CSTF3: variants seen among roughly 807,000 people sequenced by gnomAD.
The protein encoded by CSTF3 is cleavage stimulation factor subunit 3, also known as CF-1 77 kDa subunit.
A neutral mutation model predicts 105.8 loss-of-function variants in CSTF3; 29 were observed. The ratio of observed to expected loss-of-function variants is 0.27; its 90% confidence interval spans 0.20 to 0.37. The LOEUF (loss-of-function observed/expected upper bound fraction) is 0.37. Among genes scored for constraint, CSTF3 ranks in the 10% least tolerant of loss-of-function variants. The pLI is 1.00. For missense variants in CSTF3, 357 were observed against 879.3 expected (o/e 0.41, Z 7.51); for synonymous variants, 252 against 281.9 (o/e 0.89, Z 1.06).
intron 5 of CSTF3, 53 bp downstream of exon 5, chr11:33,107,850 T>G: frequency 9.5e-7 from 1 of 1,053,772 alleles, no homozygotes; most frequent in Non-Finnish European, 1.5e-6. Flanking sequence ...TTATGTGGGA[T>G]TAACTGTGTG....
intron 3 of CSTF3, among the ~76,000 whole-genome samples, chr11:33,118,642 T>A (rs1480739258): frequency 6.6e-6 from 1 of 151,792 alleles, no homozygotes; most frequent in Non-Finnish European, 1.5e-5. Flanking sequence ...GTGGCATAGA[T>A]CTTTCTAAAG....
intron 3 of CSTF3, among the ~76,000 whole-genome samples, chr11:33,135,286 T>A (rs1855642044): frequency 6.6e-6 from 1 of 152,158 alleles, no homozygotes; most frequent in South Asian, 2.1e-4. Context: ...GCTTCAAAGA[T>A]CACTCGATTA....
chr11:33,085,376 C>A, intron 20 of CSTF3, 87 bp from the exon 21 acceptor site: 1 of 661,634 alleles, frequency 1.5e-6, no homozygotes, highest in Non-Finnish European at 2.3e-6. Context: ...ATTTCATAGC[C>A]TACTATTTTA....
chr11:33,096,484 T>G, intron 14 of CSTF3, 76 bp from the exon 15 acceptor site: 2 of 879,954 alleles, frequency 2.3e-6, no homozygotes, highest in Non-Finnish European at 3.6e-6. Context: ...ATTAAAATTA[T>G]ACCTACATAT....
Position 33,099,026 on chromosome 11 carries a change from T to G in CSTF3, c.1053+8A>C. ...AATTATAAGAAGGCTCTAAACATTTTTACTTACCTCTTCATAATCTGCATA... is the reference window on the plus strand; with the variant it reads ...AATTATAAGAAGGCTCTAAACATTTGTACTTACCTCTTCATAATCTGCATA... On this transcript the variant is annotated splice_region_variant and intron_variant, in intron 12 of 20. Transcript: ENST00000323959. This position sits in a 1 kb window ranked among gnomAD's most constrained non-coding sequence, Gnocchi z 4.1. 1.9e-6 allele frequency: 3 copies of G among 1,562,668 alleles called. No individual in the cohort carries two copies. The highest frequency in any genetic ancestry group is 2.6e-6 in the Non-Finnish European group (3 of 1,167,308).
intron 3 of CSTF3, among the ~76,000 whole-genome samples, chr11:33,125,754 A>C (rs1228934099): frequency 6.6e-6 from 1 of 152,146 alleles, no homozygotes; most frequent in Admixed American, 6.5e-5. Flanking sequence ...TTGCTGCCTG[A>C]GGTCCTGAAG....
In CSTF3 at chr11:33,161,333, G is replaced by A; in HGVS notation, c.-8C>T. ...GGCTCCGTCTCCTGACATGGCCTCAGCTGATTACAACGTGCGCACTGACCG... is the reference window on the plus strand; with the variant it reads ...GGCTCCGTCTCCTGACATGGCCTCAACTGATTACAACGTGCGCACTGACCG... On this transcript the variant is annotated 5_prime_UTR_variant, in exon 1 of 21. Transcript: ENST00000323959. 6.2e-7 allele frequency: 1 copy of A among 1,612,666 alleles called. No homozygotes were observed. The highest frequency in any genetic ancestry group is 1.1e-5 in the South Asian group (1 of 91,078).
chr11:33,126,888 T>C (rs1392403542), intron 3 of CSTF3, among the ~76,000 whole-genome samples: 3 of 152,150 alleles, frequency 2.0e-5, no homozygotes, highest in African/African-American at 7.2e-5. Flanking sequence ...ATGAGTATTA[T>C]AGGGGAAAAG....
intron 3 of CSTF3, among the ~76,000 whole-genome samples, chr11:33,137,252 T>C: frequency 6.6e-6 from 1 of 151,816 alleles, no homozygotes; most frequent in Non-Finnish European, 1.5e-5. Flanking sequence ...TGAAAATAAA[T>C]GGCTACATTT....
At chr11:33,094,675 T>C (rs1319984308) in intron 15 of CSTF3, among the ~76,000 whole-genome samples, 4 of 152,260 alleles carry the variant, frequency 2.6e-5, no homozygotes, top group Admixed American at 2.0e-4. Flanking sequence ...TAAGTCTTTT[T>C]CCCAGAATGT....
intron 3 of CSTF3, among the ~76,000 whole-genome samples, chr11:33,121,011 A>G (rs1855481322): frequency 6.6e-6 from 1 of 152,030 alleles, no homozygotes; most frequent in Non-Finnish European, 1.5e-5. Flanking sequence ...TGAAAGTTAG[A>G]TTTTTCACAG....
intron 1 of CSTF3, among the ~76,000 whole-genome samples, chr11:33,143,308 CTTT>C (rs1257283189): frequency 6.6e-6 from 1 of 151,828 alleles, no homozygotes; most frequent in Non-Finnish European, 1.5e-5. Flanking sequence ...GGTAGTTTTA[CTTT>C]TATTATAGAA....
chr11:33,096,289 T>A lies in CSTF3; in HGVS notation c.1375+17A>T. The stretch of plus-strand genomic sequence containing the variant: ...TTTAATATTAAGTAATCATTATAGA[T>A]TCTAGAATCAACCTACCATTGAGGT... On this transcript the variant is annotated intron_variant, in intron 15 of 20. Coordinates refer to ENST00000323959, the MANE Select transcript of CSTF3 (RefSeq NM_001326.3). 1 of 1,427,520 alleles carries A rather than the reference T, an allele frequency of 7.0e-7. No homozygotes were observed. The highest frequency in any genetic ancestry group is 2.4e-5 in the East Asian group (1 of 41,744). 88.4% of individuals were successfully genotyped at this position (1,427,520 alleles called of 1,614,324 possible).
At chr11:33,086,366 C>G (rs1855105207) in intron 18 of CSTF3, among the ~76,000 whole-genome samples, 1 of 152,094 alleles carries the variant, frequency 6.6e-6, no homozygotes, top group Admixed American at 6.5e-5. Context: ...TAACCCATTC[C>G]TAAGTAAAGA....
intron 3 of CSTF3, among the ~76,000 whole-genome samples, chr11:33,122,414 A>G (rs1855498807): frequency 6.6e-6 from 1 of 152,220 alleles, no homozygotes; most frequent in African/African-American, 2.4e-5. Flanking sequence ...TTCATAAGCA[A>G]ATCAGTTTTC....
chr11:33,150,955 T>C (rs1429308917), intron 1 of CSTF3, among the ~76,000 whole-genome samples: 1 of 152,174 alleles, frequency 6.6e-6, no homozygotes, highest in Non-Finnish European at 1.5e-5. Context: ...TTCACATACA[T>C]ACAATTCACC....
Position 33,099,344 on chromosome 11 carries a change from A to G in CSTF3, c.937-194T>C, listed in dbSNP as rs1011838338. On this transcript the variant is annotated intron_variant, in intron 11 of 20. Coordinates refer to ENST00000323959, the MANE Select transcript of CSTF3 (RefSeq NM_001326.3). This position sits in a 1 kb window ranked among gnomAD's most constrained non-coding sequence, Gnocchi z 4.1. ...ATTTCTGGATTCTAAAAAAATTCCAAAAACTCCTTTCATTATTTTAACTTA... is the reference window on the plus strand; with the variant it reads ...ATTTCTGGATTCTAAAAAAATTCCAGAAACTCCTTTCATTATTTTAACTTA... Among the ~76,000 whole-genome samples, 2 of 152,216 alleles carry G rather than the reference A, an allele frequency of 1.3e-5. No homozygotes were observed. Among genetic ancestry groups the G allele is most frequent in the African/African-American group, 4.8e-5 (2 of 41,450 alleles).
rs1008504848 is a variant in CSTF3, at chr11:33,103,431, T to C, written c.586-247A>G. On this transcript the variant is annotated intron_variant, in intron 8 of 20. Coordinates refer to ENST00000323959, the MANE Select transcript of CSTF3 (RefSeq NM_001326.3). ...GTAAGTTTCCATTTATCAGGAACTT[T>C]TAAAGATAGAATCATTTGAAAAGGC... 3.9e-5 allele frequency among the ~76,000 whole-genome samples: 6 copies of C among 152,138 alleles called. No individual in the cohort carries two copies. The South Asian group carries it at 1.2e-3, about 32-fold the overall frequency.
At chr11:33,142,217 A>AG (rs913409456) in intron 1 of CSTF3, among the ~76,000 whole-genome samples, 6 of 152,134 alleles carry the variant, frequency 3.9e-5, no homozygotes, top group Non-Finnish European at 7.4e-5. Context: ...ATACTCAGAG[A>AG]GAAAAAAAAA....
Sources: gnomAD v4.1 joint callset for allele counts (sites outside exome capture counted in the v4.1 genomes callset) on GRCh38, gnomAD v4.1.1 for gene constraint, Gnocchi (gnomAD v3.1) non-coding constraint, MANE v1.5 for transcripts, NCBI Gene and HGNC (gene_info 2026-07-23, HGNC 2026-07-21) for gene names.